The following PPFIA2 variants were observed in gnomAD, a reference collection of about 807,000 sequenced individuals.
PPFIA2 encodes the protein liprin-alpha-2.
In PPFIA2, 46 loss-of-function variants were observed where a neutral mutation model predicts 175.5. The observed-to-expected ratio is 0.26, with a 90% confidence interval of 0.21 to 0.34. PPFIA2 has a LOEUF of 0.34. Ranked by LOEUF, PPFIA2 falls within the 10% of genes least tolerant of loss-of-function variation. The pLI, the probability that PPFIA2 is intolerant of heterozygous loss-of-function variation, is 1.00. For synonymous variants in PPFIA2, 568 were observed against 511.4 expected, an observed-to-expected ratio of 1.11 and a Z score of -1.49; for missense variants, 1,179 against 1,506.1, an observed-to-expected ratio of 0.78 and a Z score of 3.60.
chr12:81,445,850 G>T, intron 5 of PPFIA2, 130 bp from the exon 6 acceptor site: 1 of 772,196 alleles, frequency 1.3e-6, no homozygotes, highest in Non-Finnish European at 2.0e-6. Context: ...ACTGCAAGCA[G>T]CAACAAAGAA....
intron 28 of PPFIA2, among the ~76,000 whole-genome samples, chr12:81,272,353 T>C (rs1769017448): frequency 6.6e-6 from 1 of 152,204 alleles, no homozygotes; most frequent in South Asian, 2.1e-4. Flanking sequence ...ATGTCCAATA[T>C]GTCTCTAGTG....
chr12:81,329,757 T>A (rs2139970941), intron 21 of PPFIA2, among the ~76,000 whole-genome samples: 1 of 152,318 alleles, frequency 6.6e-6, no homozygotes, highest in African/African-American at 2.4e-5. Flanking sequence ...CCCAGGCTCC[T>A]GCTGTTTGGC....
At chr12:81,358,267 A>G (rs747213554) in intron 15 of PPFIA2, 50 bp from the exon 16 acceptor site, 1 of 1,514,724 alleles carries the variant, frequency 6.6e-7, no homozygotes. Flanking sequence ...AATTAAACTT[A>G]CCAGGAAATT....
intron 7 of PPFIA2, among the ~76,000 whole-genome samples, chr12:81,436,435 T>A (rs934693086): frequency 5.9e-5 from 9 of 151,906 alleles, no homozygotes; most frequent in Admixed American, 3.9e-4. Context: ...AATAATTTTT[T>A]AAACTTTTTC....
chr12:81,411,275 A>G (rs992239827), intron 7 of PPFIA2, among the ~76,000 whole-genome samples: 1 of 152,076 alleles, frequency 6.6e-6, no homozygotes, highest in Non-Finnish European at 1.5e-5. Context: ...AGTTGGAGGA[A>G]TGATGGGACT....
At chr12:81,322,157 G>C (rs2053796969) in intron 22 of PPFIA2, among the ~76,000 whole-genome samples, 1 of 152,088 alleles carries the variant, frequency 6.6e-6, no homozygotes, top group Non-Finnish European at 1.5e-5. Flanking sequence ...GCTTTAATCG[G>C]CTATCCTGAA....
chr12:81,314,871 AT>A (rs76528486), intron 22 of PPFIA2, among the ~76,000 whole-genome samples: 53,615 of 151,330 alleles, frequency 0.35, 10,317 homozygotes, highest in East Asian at 0.51. Context: ...ATAAATAAAT[AT>A]TTTTTTTAAT....
intron 3 of PPFIA2, among the ~76,000 whole-genome samples, chr12:81,708,164 A>G (rs1449768036): frequency 6.6e-6 from 1 of 152,058 alleles, no homozygotes; most frequent in Non-Finnish European, 1.5e-5. Context: ...CTAAAACTTA[A>G]AGTATAATAA....
At chr12:81,399,290 CAAAAA>C (rs543794696) in intron 8 of PPFIA2, among the ~76,000 whole-genome samples, 4 of 41,998 alleles carry the variant, frequency 9.5e-5, no homozygotes, top group East Asian at 7.7e-4. Flanking sequence ...TCCTTCTTCA[CAAAAA>C]AAAAAAAAAA....
rs2042054744 is a variant in PPFIA2, at chr12:81,281,349, G to A, written c.3120C>T (p.Tyr1040=). The A allele has an allele frequency of 6.2e-7, 1 of 1,610,418 alleles. No individual in the cohort carries two copies. Among genetic ancestry groups the A allele is most frequent in the Non-Finnish European group, 8.5e-7 (1 of 1,177,094 alleles). Residue 1040 remains tyrosine, a synonymous_variant, in exon 27 of 33, where the codon TAC becomes TAT. Coordinates refer to ENST00000549396, the MANE Select transcript of PPFIA2 (RefSeq NM_003625.5). ...PSLGLPQYRS[Y]FMECLVDARM... is the part of the protein sequence containing the mutation. ...TTGCATCTACCAAGCATTCCATAAAGTAACTTCTGTACTGAGGTAACCCCA... is the reference window on the plus strand; with the variant it reads ...TTGCATCTACCAAGCATTCCATAAAATAACTTCTGTACTGAGGTAACCCCA...
chr12:81,426,104 AGCTTT>A (rs2047092995), intron 7 of PPFIA2, among the ~76,000 whole-genome samples: 1 of 152,168 alleles, frequency 6.6e-6, no homozygotes, highest in Admixed American at 6.5e-5. Flanking sequence ...TGATTTAGGG[AGCTTT>A]CTCTCCCAAC....
chr12:81,688,944 T>A (rs1182831416), intron 3 of PPFIA2, among the ~76,000 whole-genome samples: 1 of 151,346 alleles, frequency 6.6e-6, no homozygotes, highest in African/African-American at 2.4e-5. Context: ...TTCAAGGTAA[T>A]CATAATAAGC....
intron 13 of PPFIA2, chr12:81,368,270 T>TAGTATCAATCCCAGTAGA: frequency 1.4e-6 from 1 of 728,752 alleles, no homozygotes; most frequent in Non-Finnish European, 2.1e-6. Context: ...AACCCTCTAC[T>TAGTATCAATCCCAGTAGA]GGGATTGATA....
intron 4 of PPFIA2, among the ~76,000 whole-genome samples, chr12:81,673,544 C>T (rs1234719592): frequency 6.6e-6 from 1 of 151,858 alleles, no homozygotes. Context: ...AGTTTCTTTT[C>T]CTTTGTACTT....
intron 4 of PPFIA2, among the ~76,000 whole-genome samples, chr12:81,508,801 T>TC (rs1207953770): frequency 7.8e-6 from 1 of 127,610 alleles, no homozygotes; most frequent in Non-Finnish European, 1.6e-5. Context: ...AGTGTGATGT[T>TC]CCCCTTCCTG....
At chr12:81,430,431 T>C (rs1352528311) in intron 7 of PPFIA2, 9 of 152,200 alleles carry the variant, frequency 5.9e-5, no homozygotes, top group Admixed American at 2.6e-4. Context: ...ACATTTCCAG[T>C]GACCTCTTAA....
chr12:81,567,204 T>C (rs2071516751), intron 4 of PPFIA2, among the ~76,000 whole-genome samples: 1 of 152,036 alleles, frequency 6.6e-6, no homozygotes, highest in Non-Finnish European at 1.5e-5. Context: ...CCCACCACCA[T>C]GCCTGGCTAA....
At chr12:81,582,411 T>C (rs2074553920) in intron 4 of PPFIA2, among the ~76,000 whole-genome samples, 1 of 151,840 alleles carries the variant, frequency 6.6e-6, no homozygotes, top group Non-Finnish European at 1.5e-5. Context: ...TTTTTGAAAA[T>C]GTAATATACT....
intron 10 of PPFIA2, 37 bp from the exon 11 acceptor site, chr12:81,374,805 CAG>C (rs1295140481): frequency 6.3e-7 from 1 of 1,583,804 alleles, no homozygotes; most frequent in East Asian, 2.3e-5. Flanking sequence ...CTTAAAGAGT[CAG>C]AGTTTGGATA....
Sources: allele counts gnomAD v4.1 joint callset (sites outside exome capture counted in the v4.1 genomes callset), GRCh38; gene constraint gnomAD v4.1.1; transcripts MANE v1.5; gene names NCBI Gene and HGNC (gene_info 2026-07-23, HGNC 2026-07-21).